PCDHGB5: variants seen among roughly 807,000 people sequenced by gnomAD.
PCDHGB5 encodes protocadherin gamma subfamily B, 5.
Under a neutral mutation model 62.9 loss-of-function variants are expected in PCDHGB5, and 48 were observed. The ratio of observed to expected loss-of-function variants is 0.76; its 90% CI spans 0.61 to 0.97. The LOEUF (loss-of-function observed/expected upper bound fraction) is 0.97, where lower values mean the gene tolerates loss of function less well. Among genes scored for constraint, PCDHGB5 ranks in the 50% least tolerant of loss-of-function variants. The pLI, the probability that PCDHGB5 is intolerant of heterozygous loss-of-function variation, is 0.00. For synonymous variants in PCDHGB5, 474 were observed against 511.2 expected (o/e 0.93, Z 0.98); for missense variants, 1,118 against 1,198.6 (o/e 0.93, Z 0.99).
At chr5:141,409,075 G>A (rs1416534881) in intron 1 of PCDHGB5, 2 of 1,613,904 alleles carry the variant, frequency 1.2e-6, no homozygotes, top group East Asian at 2.2e-5. Flanking sequence ...CAAAACATAT[G>A]TTCTCATTGG....
At chr5:141,407,179 C>T (rs566759065) in intron 1 of PCDHGB5, among the ~76,000 whole-genome samples, 2 of 152,256 alleles carry the variant, frequency 1.3e-5, no homozygotes, top group South Asian at 2.1e-4. Context: ...GACATACAGA[C>T]ATTTTAATTA....
At chr5:141,492,008 G>A (rs1201433644) in intron 1 of PCDHGB5, 21 of 616,588 alleles carry the variant, frequency 3.4e-5, no homozygotes, top group Admixed American at 2.9e-4. Flanking sequence ...CGATTTCCGC[G>A]GGTGTCGGGG....
At chr5:141,501,691 G>C (rs910322085) in intron 2 of PCDHGB5, among the ~76,000 whole-genome samples, 1 of 152,092 alleles carries the variant, frequency 6.6e-6, no homozygotes, top group Non-Finnish European at 1.5e-5. Context: ...CTTATCTGCA[G>C]GGTGATTCCG....
At chr5:141,445,508 T>C (rs2098468947) in intron 1 of PCDHGB5, among the ~76,000 whole-genome samples, 1 of 152,200 alleles carries the variant, frequency 6.6e-6, no homozygotes, top group Non-Finnish European at 1.5e-5. Context: ...TAATACATGA[T>C]ATTTTACAGG....
At position 141,399,620 on chromosome 5, in the gene PCDHGB5, CCTCTT is replaced by C. The variant is rs1251716471; in HGVS notation, c.1494_1498del (p.Ser499ArgfsTer17). The C allele has an allele frequency of 6.2e-7, 1 of 1,613,940 alleles. No homozygotes were observed. Among genetic ancestry groups the C allele is most frequent in the Non-Finnish European group, 8.5e-7 (1 of 1,179,888 alleles). ...AGCGACCTAGAGCCTCTGGCACTGGCCTCTTACGTGTCCATGAGCGCGCAAAGTGG... is the reference window on the plus strand; with the variant it reads ...AGCGACCTAGAGCCTCTGGCACTGGCACGTGTCCATGAGCGCGCAAAGTGG... On this transcript the variant is annotated frameshift_variant, in exon 1 of 4. Coordinates refer to ENST00000617380, the MANE Select transcript of PCDHGB5 (RefSeq NM_018925.3). LOFTEE classifies it high-confidence loss of function.
intron 1 of PCDHGB5, chr5:141,414,054 G>T: frequency 6.2e-7 from 1 of 1,610,250 alleles, no homozygotes; most frequent in South Asian, 1.1e-5. Context: ...ACACGCAATT[G>T]TTGAAGTTCC....
In PCDHGB5 at chr5:141,432,627, C is replaced by G. The variant is rs886117102; in HGVS notation, c.2397+32103C>G. On this transcript the variant is annotated intron_variant, in intron 1 of 3. Transcript: ENST00000617380. This position sits in a 1 kb window ranked among gnomAD's most constrained non-coding sequence, Gnocchi z 6.0. The stretch of plus-strand genomic sequence containing the variant: ...GGACTCTTCTCGGTGGGTCTGCACA[C>G]GGGCGAGGTGCGCACGGCGCGAGCC... The G allele has an allele frequency of 1.2e-6, 2 of 1,613,652 alleles. No individual in the cohort carries two copies. The highest frequency in any genetic ancestry group is 2.7e-5 in the African/African-American group (2 of 74,886).
At position 141,399,026 on chromosome 5, in the gene PCDHGB5, A is replaced by C. The variant is rs1448827116; in HGVS notation, c.899A>C (p.Gln300Pro). ...TCAAAGAGCGGAGAAATTACCACTCAAAAGAAACTGGATTTTGAAGAGACC... is the reference window on the plus strand; with the variant it reads ...TCAAAGAGCGGAGAAATTACCACTCCAAAGAAACTGGATTTTGAAGAGACC... The part of the protein sequence containing the change: ...LNSKSGEITT[Q>P]KKLDFEETKE... Residue 300 changes from glutamine (Q) to proline (P), a missense_variant, in exon 1 of 4, where the codon CAA (glutamine) becomes CCA (proline). Physicochemically the swap from Gln to Pro is moderately conservative, Grantham distance 76. Around this residue, in one of 2 missense-constraint regions of PCDHGB5, gnomAD observed 1,034 missense variants for 1,029.1 expected, o/e 1.00. Coordinates refer to ENST00000617380, the MANE Select transcript of PCDHGB5 (RefSeq NM_018925.3). 6.2e-7 allele frequency: 1 copy of C among 1,613,886 alleles called. No homozygotes were observed. The highest frequency in any genetic ancestry group is 2.2e-5 in the East Asian group (1 of 44,886).
Position 141,490,122 on chromosome 5 carries a change from C to T in PCDHGB5, c.2398-4685C>T. 3 of 1,614,260 alleles carry T rather than the reference C, an allele frequency of 1.9e-6. No homozygotes were observed. The highest frequency in any genetic ancestry group is 2.5e-6 in the Non-Finnish European group (3 of 1,180,046). On this transcript the variant is annotated intron_variant, in intron 1 of 3. Coordinates refer to ENST00000617380, the MANE Select transcript of PCDHGB5 (RefSeq NM_018925.3). The surrounding 1 kb of genome is among the most constrained non-coding windows in gnomAD (Gnocchi z 5.4). ...CTGAGGCAGTGCGGAACCTCTTTGG[C>T]CTAGACCCTAGCAGTGGGGCAATCC... is the stretch of plus-strand genomic sequence containing the variant.
intron 1 of PCDHGB5, chr5:141,413,618 A>G (rs1188549125): frequency 6.2e-7 from 1 of 1,613,916 alleles, no homozygotes; most frequent in Non-Finnish European, 8.5e-7. Context: ...AAAATTAATG[A>G]AAATGTCGCT....
chr5:141,474,170 T>G (rs535586079), intron 1 of PCDHGB5, among the ~76,000 whole-genome samples: 1 of 152,346 alleles, frequency 6.6e-6, no homozygotes, highest in South Asian at 2.1e-4. Flanking sequence ...GCCTTATTAT[T>G]GAGAAAACTA....
chr5:141,480,719 A>G (rs1455113968), intron 1 of PCDHGB5, among the ~76,000 whole-genome samples: 1 of 152,194 alleles, frequency 6.6e-6, no homozygotes, highest in Non-Finnish European at 1.5e-5. Flanking sequence ...ATGAAAGCAC[A>G]GTCTCTGGGG....
intron 1 of PCDHGB5, among the ~76,000 whole-genome samples, chr5:141,405,666 C>T (rs752033736): frequency 3.3e-5 from 5 of 152,198 alleles, no homozygotes; most frequent in Admixed American, 6.5e-5. Flanking sequence ...TTAGTAGAGA[C>T]GGGGTGTCAC....
Position 141,400,031 on chromosome 5 carries a change from G to A in PCDHGB5, c.1904G>A (p.Arg635His), listed in dbSNP as rs373709904. The A allele has an allele frequency of 2.2e-5, 36 of 1,612,964 alleles. No individual in the cohort carries two copies. In the African/African-American group the frequency reaches 4.5e-4, roughly 20 times the overall value. The stretch of plus-strand genomic sequence containing the variant: ...GCCTTGGGCGACAGGGACGCGGCCC[G>A]CCAGCGCCTGCTGGTTGCTGTGCGT... Reference protein sequence around the residue: ...ARALGDRDAARQRLLVAVRDG... With the variant: ...ARALGDRDAAHQRLLVAVRDG... The change falls in exon 1 of 4, where the codon CGC becomes CAC. Residue 635 changes from arginine (R) to histidine (H), a missense_variant. Physicochemically the swap from Arg to His is conservative, Grantham distance 29. Coordinates refer to ENST00000617380, the MANE Select transcript of PCDHGB5 (RefSeq NM_018925.3).
At chr5:141,508,806 C>T (rs1243735850) in intron 3 of PCDHGB5, among the ~76,000 whole-genome samples, 1 of 152,066 alleles carries the variant, frequency 6.6e-6, no homozygotes, top group African/African-American at 2.4e-5. Flanking sequence ...AATCCTGGCT[C>T]TTTGAAGCCA....
At chr5:141,418,310 G>A in intron 1 of PCDHGB5, 1 of 1,613,990 alleles carries the variant, frequency 6.2e-7, no homozygotes, top group Non-Finnish European at 8.5e-7. Context: ...CCTGGGGATG[G>A]GAACAATTCT....
At chr5:141,418,455 C>G (rs1287627325) in intron 1 of PCDHGB5, 3 of 1,613,990 alleles carry the variant, frequency 1.9e-6, no homozygotes, top group Non-Finnish European at 2.5e-6. Flanking sequence ...TTGCAGAAGA[C>G]TCTGGACCGA....
At chr5:141,496,662 T>A (rs557106775) in intron 2 of PCDHGB5, among the ~76,000 whole-genome samples, 1 of 152,344 alleles carries the variant, frequency 6.6e-6, no homozygotes, top group African/African-American at 2.4e-5. Flanking sequence ...TGACCCCAGC[T>A]GTTGTCCTTC....
At chr5:141,502,191 A>G (rs2099813218) in intron 2 of PCDHGB5, among the ~76,000 whole-genome samples, 1 of 152,170 alleles carries the variant, frequency 6.6e-6, no homozygotes, top group Non-Finnish European at 1.5e-5. Flanking sequence ...TAATACAATA[A>G]TATAGAATCC....
Sources: allele counts gnomAD v4.1 joint callset (sites outside exome capture counted in the v4.1 genomes callset), GRCh38; gene constraint gnomAD v4.1.1; regional missense constraint gnomAD v4.1.1; non-coding constraint Gnocchi (gnomAD v3.1); transcripts MANE v1.5; gene names NCBI Gene and HGNC (gene_info 2026-07-23, HGNC 2026-07-21).